Variants in TMEM132B observed in about 807,000 individuals in gnomAD.
The protein encoded by TMEM132B is transmembrane protein 132B.
Under a neutral mutation model 90.8 loss-of-function variants are expected in TMEM132B, and 18 were observed. That is an observed-to-expected ratio of 0.20 (90% CI 0.14 to 0.29). The LOEUF (loss-of-function observed/expected upper bound fraction) is 0.29. Among genes scored for constraint, TMEM132B ranks in the 10% least tolerant of loss-of-function variants. The pLI is 1.00. For synonymous variants in TMEM132B, 504 were observed against 523.3 expected, an observed-to-expected ratio of 0.96 and a Z score of 0.50; for missense variants, 1,096 against 1,326.8, an observed-to-expected ratio of 0.83 and a Z score of 2.70.
intron 4 of TMEM132B, among the ~76,000 whole-genome samples, chr12:125,551,985 T>C (rs934699420): frequency 3.3e-5 from 5 of 152,194 alleles, no homozygotes; most frequent in African/African-American, 1.2e-4. Flanking sequence ...ATGTTTTCTT[T>C]TCGTGTCTCT....
rs1331697424 is a variant in TMEM132B at position 125,533,663 on chromosome 12, C to T, written c.1293+14038C>T. 6.6e-5 allele frequency among the ~76,000 whole-genome samples: 9 copies of T among 137,078 alleles called. No homozygotes were observed. In the South Asian group the frequency reaches 2.1e-3, roughly 31 times the overall value. 89.9% of individuals were successfully genotyped at this position (137,078 alleles called of 152,430 possible). On this transcript the variant is annotated intron_variant, in intron 4 of 8. Coordinates refer to ENST00000682704, the MANE Select transcript of TMEM132B (RefSeq NM_001366854.1). ...GCCGCAGACCGGCTTGTACAGGCCG[C>T]GCGCCCTCCCCTCCCCGGCGGAGGC...
rs542923725 is a variant in TMEM132B at position 125,317,463 on chromosome 12, G to T, written c.68-31989G>T. 4.6e-5 allele frequency among the ~76,000 whole-genome samples: 7 copies of T among 152,258 alleles called. No homozygotes were observed. The South Asian group carries it at 1.5e-3, about 32-fold the overall frequency. The stretch of plus-strand genomic sequence containing the variant: ...ACGGGCAGAACTGGGAAGTGGGGGT[G>T]CTCCCCTTCAGTCTTTTGTCCTTGC... On this transcript the variant is annotated intron_variant, in intron 1 of 8. Transcript: ENST00000682704.
chr12:125,465,656 C>T (rs1256467324), intron 3 of TMEM132B, among the ~76,000 whole-genome samples: 1 of 152,234 alleles, frequency 6.6e-6, no homozygotes, highest in East Asian at 1.9e-4. Flanking sequence ...TTAGCTGCAT[C>T]TCCAGTGGAC....
rs1452868701 is a variant in TMEM132B at position 125,658,951 on chromosome 12, GA to G, written c.*4244del. 1 of 152,000 alleles carries G rather than the reference GA, an allele frequency of 6.6e-6. No individual in the cohort carries two copies. Among genetic ancestry groups the G allele is most frequent in the East Asian group, 1.9e-4 (1 of 5,178 alleles). 9.4% of individuals were successfully genotyped at this position (152,000 alleles called of 1,614,324 possible). On this transcript the variant is annotated 3_prime_UTR_variant, in exon 9 of 9. Coordinates refer to ENST00000682704, the MANE Select transcript of TMEM132B (RefSeq NM_001366854.1). Reference sequence around the variant, plus strand: ...TTTCTTTTTTTCTGGAAATATTTCGGAAATAAAGTGACTTCATTTTTCAGCA... The same window carrying G: ...TTTCTTTTTTTCTGGAAATATTTCGGAATAAAGTGACTTCATTTTTCAGCA...
At chr12:125,271,547 G>A (rs1874836451) in intron 1 of TMEM132B, among the ~76,000 whole-genome samples, 1 of 151,282 alleles carries the variant, frequency 6.6e-6, no homozygotes, top group Non-Finnish European at 1.5e-5. Flanking sequence ...AATGGGATAA[G>A]ACCCATCTGA....
At chr12:125,295,515 T>TGTGTGAGAGAGAGAGAGA (rs531489519) in intron 1 of TMEM132B, among the ~76,000 whole-genome samples, 15 of 142,434 alleles carry the variant, frequency 1.1e-4, no homozygotes, top group African/African-American at 4.0e-4. Flanking sequence ...TGTGTGTGTG[T>TGTGTGAGAGAGAGAGAGA]GAGAGAGAGA....
At chr12:125,452,054 C>T (rs182207517) in intron 3 of TMEM132B, among the ~76,000 whole-genome samples, 38 of 152,278 alleles carry the variant, frequency 2.5e-4, no homozygotes, top group Admixed American at 2.3e-3. Flanking sequence ...GTGAGGTTGT[C>T]GAAAGTTCTT....
At chr12:125,623,998 A>T (rs1170531354) in intron 5 of TMEM132B, among the ~76,000 whole-genome samples, 1 of 152,260 alleles carries the variant, frequency 6.6e-6, no homozygotes, top group Non-Finnish European at 1.5e-5. Context: ...AGATGGAAAG[A>T]GAAAGCAGTG....
chr12:125,503,527 C>A (rs1260785573), intron 3 of TMEM132B, among the ~76,000 whole-genome samples: 1 of 152,150 alleles, frequency 6.6e-6, no homozygotes, highest in Admixed American at 6.5e-5. Context: ...CCAGTGGACC[C>A]GTTTCTGAAA....
chr12:125,385,572 T>A (rs1170204023), intron 2 of TMEM132B, among the ~76,000 whole-genome samples: 6 of 152,200 alleles, frequency 3.9e-5, no homozygotes, highest in Non-Finnish European at 8.8e-5. Flanking sequence ...GCTGACAAAA[T>A]TTGTGTTGGA....
In TMEM132B at chr12:125,654,303, G is replaced by A. The variant is rs774667643; in HGVS notation, c.2845G>A (p.Asp949Asn). The part of the protein sequence containing the change: ...SEQGNIPHSH[D>N]WVWLGNEVEL... Reference sequence around the variant, plus strand: ...GCAGGGCAACATCCCCCATTCCCACGACTGGGTCTGGCTTGGGAATGAAGT... The same window carrying A: ...GCAGGGCAACATCCCCCATTCCCACAACTGGGTCTGGCTTGGGAATGAAGT... Residue 949 changes from aspartate (D) to asparagine (N), a missense_variant, in exon 9 of 9, where the codon GAC becomes AAC. By Grantham distance (23) the Asp-to-Asn change is conservative. Transcript: ENST00000682704. The surrounding 1 kb of genome is among the most constrained non-coding windows in gnomAD (Gnocchi z 5.8). The A allele has an allele frequency of 5.6e-6, 9 of 1,613,146 alleles. No homozygotes were observed. Among genetic ancestry groups the A allele is most frequent in the Admixed American group, 3.3e-5 (2 of 60,004 alleles).
intron 1 of TMEM132B, among the ~76,000 whole-genome samples, chr12:125,280,512 C>A (rs1875129274): frequency 6.6e-6 from 1 of 152,246 alleles, no homozygotes. Flanking sequence ...CTTGCTCAAT[C>A]TGAGTGTCCA....
Position 125,380,085 on chromosome 12 carries a change from T to C in TMEM132B, c.959+29742T>C, listed in dbSNP as rs530744113. 3.5e-4 allele frequency among the ~76,000 whole-genome samples: 53 copies of C among 152,324 alleles called. 1 individual carries two copies. The South Asian group carries it at 9.1e-3, about 26-fold the overall frequency. ...TCATAACAAATTGCCACAAACTTGA[T>C]GGCTTAAAATCATAGGGCTTTGTTC... On this transcript the variant is annotated intron_variant, in intron 2 of 8. Transcript: ENST00000682704.
At chr12:125,361,957 A>G (rs974391023) in intron 2 of TMEM132B, among the ~76,000 whole-genome samples, 1 of 152,236 alleles carries the variant, frequency 6.6e-6, no homozygotes, top group Non-Finnish European at 1.5e-5. Flanking sequence ...GTGGTGGCCA[A>G]TATCTTAGTG....
At chr12:125,635,600 A>G (rs1450296881) in intron 5 of TMEM132B, among the ~76,000 whole-genome samples, 1 of 152,210 alleles carries the variant, frequency 6.6e-6, no homozygotes, top group Non-Finnish European at 1.5e-5. Flanking sequence ...CACAGTAAAC[A>G]CAGGTGTGCA....
chr12:125,321,044 T>G (rs1009564985), intron 1 of TMEM132B, among the ~76,000 whole-genome samples: 3 of 152,236 alleles, frequency 2.0e-5, no homozygotes, highest in African/African-American at 7.2e-5. Context: ...CAGGCTCCGC[T>G]GAAGGTGCTA....
intron 1 of TMEM132B, among the ~76,000 whole-genome samples, chr12:125,280,154 C>T (rs942917892): frequency 2.6e-5 from 4 of 152,246 alleles, no homozygotes; most frequent in East Asian, 3.9e-4. Context: ...TAGGACTCTC[C>T]GTGGATTGGT....
At chr12:125,334,927 C>G (rs771643204) in intron 1 of TMEM132B, among the ~76,000 whole-genome samples, 1 of 152,320 alleles carries the variant, frequency 6.6e-6, no homozygotes, top group Middle Eastern at 3.4e-3. Flanking sequence ...TCTGAGCGTG[C>G]GGCCCTGGAA....
intron 5 of TMEM132B, among the ~76,000 whole-genome samples, chr12:125,617,594 C>T (rs1475584140): frequency 6.6e-6 from 1 of 152,190 alleles, no homozygotes; most frequent in Non-Finnish European, 1.5e-5. Flanking sequence ...ATCCACCCCC[C>T]TCGGCCTCCC....
Sources: gnomAD v4.1 joint callset for allele counts (sites outside exome capture counted in the v4.1 genomes callset) on GRCh38, gnomAD v4.1.1 for gene constraint, Gnocchi (gnomAD v3.1) non-coding constraint, MANE v1.5 for transcripts, NCBI Gene and HGNC (gene_info 2026-07-23, HGNC 2026-07-21) for gene names.